SH2B3: variants seen among roughly 807,000 people sequenced by gnomAD.
SH2B3 encodes the protein SH2B adapter protein 3.
Under a neutral mutation model 51.9 loss-of-function variants are expected in SH2B3, and 43 were observed. The observed-to-expected ratio is 0.83, with a 90% confidence interval of 0.65 to 1.07. SH2B3 has a LOEUF of 1.07. Ranked by LOEUF, SH2B3 falls within the 50% of genes least tolerant of loss-of-function variation. The probability of loss-of-function intolerance (pLI) is 0.00; values close to 1 mark genes in which losing one functional copy is unlikely to be tolerated. For synonymous variants in SH2B3, 396 were observed against 376.0 expected, an observed-to-expected ratio of 1.05 and a Z score of -0.62; for missense variants, 952 against 834.3, an observed-to-expected ratio of 1.14 and a Z score of -1.74.
In SH2B3 at chr12:111,435,120, G is replaced by A. The variant is rs1305856178; in HGVS notation, c.733-11633G>A. The A allele has an allele frequency of 1.3e-5, 14 of 1,038,802 alleles. No individual in the cohort carries two copies. In the South Asian group the frequency reaches 1.5e-4, roughly 11 times the overall value. The allele number at this position is 1,038,802 out of a possible 1,614,324, so 64.3% of individuals were successfully genotyped here. On this transcript the variant is annotated intron_variant, in intron 2 of 7. Coordinates refer to ENST00000341259, the MANE Select transcript of SH2B3 (RefSeq NM_005475.3). The surrounding 1 kb of genome is among the most constrained non-coding windows in gnomAD (Gnocchi z 4.8). ...TGCACTCTCCCCACCCGAGACGGGC[G>A]ACAGAGGTTTTTTGTTGTTTCTTAA...
intron 2 of SH2B3, among the ~76,000 whole-genome samples, chr12:111,445,498 A>G (rs1157087810): frequency 6.6e-6 from 1 of 152,136 alleles, no homozygotes; most frequent in Non-Finnish European, 1.5e-5. Context: ...GGAGGTGAAA[A>G]TGCCCTGGCT....
chr12:111,434,483 C>T (rs1364352395), intron 2 of SH2B3, among the ~76,000 whole-genome samples: 5 of 152,212 alleles, frequency 3.3e-5, no homozygotes, highest in South Asian at 4.1e-4. Context: ...GAACACTACA[C>T]GGCACGGATA....
At chr12:111,442,383 G>T (rs1184771459) in intron 2 of SH2B3, among the ~76,000 whole-genome samples, 1 of 152,234 alleles carries the variant, frequency 6.6e-6, no homozygotes, top group Non-Finnish European at 1.5e-5. Flanking sequence ...CTAGGCCCAG[G>T]CTGCCAGATG....
upstream of SH2B3, among the ~76,000 whole-genome samples, chr12:111,405,750 C>A (rs1015319598): frequency 6.6e-6 from 1 of 152,186 alleles, no homozygotes; most frequent in Non-Finnish European, 1.5e-5. This position sits in a 1 kb window ranked among gnomAD's most constrained non-coding sequence, Gnocchi z 5.4. Flanking sequence ...CGCGGACTAG[C>A]GGGATTGGTA....
At position 111,447,387 on chromosome 12, in the gene SH2B3, C is replaced by T; in HGVS notation, c.1079C>T (p.Ser360Phe). The T allele has an allele frequency of 6.2e-7, 1 of 1,614,140 alleles. No individual in the cohort carries two copies. The highest frequency in any genetic ancestry group is 1.3e-5 in the African/African-American group (1 of 75,042). The stretch of plus-strand genomic sequence containing the variant: ...TGCCAGAAGACGGACCATTTCCTGT[C>T]CTGCTACCCCTGGTTCCACGGCCCC... Reference protein sequence around the residue: ...PACQKTDHFLSCYPWFHGPIS... With the variant: ...PACQKTDHFLFCYPWFHGPIS... Residue 360 changes from serine to phenylalanine, a missense_variant, in exon 6 of 8, where the codon TCC becomes TTC. Transcript: ENST00000341259.
At chr12:111,405,625 A>C (rs1870182675), upstream of SH2B3, among the ~76,000 whole-genome samples, 1 of 150,976 alleles carries the variant, frequency 6.6e-6, no homozygotes, top group Admixed American at 6.6e-5. The surrounding 1 kb of genome is among the most constrained non-coding windows in gnomAD (Gnocchi z 5.4). Context: ...TCCGATCCTC[A>C]CTTCTATCTT....
intron 1 of SH2B3, among the ~76,000 whole-genome samples, chr12:111,414,765 T>C (rs559423436): frequency 3.9e-5 from 6 of 152,196 alleles, no homozygotes; most frequent in Admixed American, 3.3e-4. Flanking sequence ...CAGCGGGACA[T>C]GGCCACATGC....
chr12:111,429,015 CGAGGAGGAGGAGGAG>C lies in SH2B3; in HGVS notation c.732+10156_732+10170del, dbSNP rs142822757. On this transcript the variant is annotated intron_variant, in intron 2 of 7. Coordinates refer to ENST00000341259, the MANE Select transcript of SH2B3 (RefSeq NM_005475.3). This position sits in a 1 kb window ranked among gnomAD's most constrained non-coding sequence, Gnocchi z 4.4. ...GCGGTTTCCTCTCGGGGCAGGAGTGCGAGGAGGAGGAGGAGGAGGAGGAGGAGGAGGAAGAGGAGG... is the reference window on the plus strand; with the variant it reads ...GCGGTTTCCTCTCGGGGCAGGAGTGCGAGGAGGAGGAGGAGGAAGAGGAGG... 1.5e-4 allele frequency among the ~76,000 whole-genome samples: 17 copies of C among 114,906 alleles called. No individual in the cohort carries two copies. The highest frequency in any genetic ancestry group is 3.0e-4 in the African/African-American group (9 of 30,244). 75.4% of individuals were successfully genotyped at this position (114,906 alleles called of 152,430 possible). A position where few individuals can be genotyped will look rare whatever the true frequency, so the allele number is the denominator to read the frequency against.
chr12:111,407,893 G>A lies in SH2B3; in HGVS notation c.-28+1616G>A, dbSNP rs552582277. Among the ~76,000 whole-genome samples the A allele has an allele frequency of 3.3e-5, 5 of 152,328 alleles. No homozygotes were observed. Among genetic ancestry groups the A allele is most frequent in the South Asian group, 2.1e-4 (1 of 4,830 alleles). ...CTATTGCCTTCGTTCAGCTGAAGGC[G>A]TGGGCAAGTGACTCTGCCCTCAGTT... On this transcript the variant is annotated intron_variant, in intron 1 of 7. Transcript: ENST00000341259. This position sits in a 1 kb window ranked among gnomAD's most constrained non-coding sequence, Gnocchi z 4.3.
At position 111,448,096 on chromosome 12, in the gene SH2B3, C is replaced by G. The variant is rs749430739; in HGVS notation, c.1522C>G (p.Arg508Gly). The G allele has an allele frequency of 1.2e-6, 2 of 1,613,932 alleles. No individual in the cohort carries two copies. The highest frequency in any genetic ancestry group is 1.7e-6 in the Non-Finnish European group (2 of 1,179,970). ...LPHLSSSGCP[R>G]GLSPEGLPGR... ...CCACCTTAGTTCTTCTGGCTGTCCC[C>G]GGGGGCTCAGCCCAGAGGGTCTCCC... The change falls in exon 8 of 8, where the codon CGG becomes GGG. Residue 508 changes from arginine (R) to glycine (G), a missense_variant. By Grantham distance (125) the Arg-to-Gly change is moderately radical. Transcript: ENST00000341259.
intron 2 of SH2B3, among the ~76,000 whole-genome samples, chr12:111,433,391 A>C (rs572024646): frequency 2.0e-5 from 3 of 152,176 alleles, no homozygotes; most frequent in Non-Finnish European, 4.4e-5. Context: ...TATGACTGCC[A>C]ACCTGTTTTC....
intron 2 of SH2B3, among the ~76,000 whole-genome samples, chr12:111,443,199 G>A (rs761389683): frequency 5.9e-5 from 9 of 152,230 alleles, no homozygotes; most frequent in Non-Finnish European, 1.3e-4. Context: ...GGGATAAAGA[G>A]GGATCCTCAG....
At chr12:111,443,907 A>C (rs1873670706) in intron 2 of SH2B3, 1 of 152,226 alleles carries the variant, frequency 6.6e-6, no homozygotes. Context: ...CCTAGAGGGT[A>C]GGGCCCGGCG....
At position 111,448,202 on chromosome 12, in the gene SH2B3, A is replaced by C. The variant is rs61734525; in HGVS notation, c.1628A>C (p.Glu543Ala). The change falls in exon 8 of 8, where the codon GAG becomes GCG. Residue 543 changes from glutamate to alanine, a missense_variant. By Grantham distance (107) the Glu-to-Ala change is moderately radical. Transcript: ENST00000341259. ...EELANSLQHL[E>A]HEPVNRARDS... is the part of the protein sequence containing the mutation. ...CTGGCCAACAGCCTGCAGCACCTGG[A>C]GCATGAGCCTGTGAATCGAGCCCGG... 12 of 1,614,136 alleles carry C rather than the reference A, an allele frequency of 7.4e-6. No homozygotes were observed. The East Asian group carries it at 2.5e-4, about 33-fold the overall frequency.
In SH2B3 at chr12:111,418,612, C is replaced by G. The variant is rs771591913; in HGVS notation, c.467C>G (p.Ala156Gly). ...FRRRSAGELP[A>G]AHTAAAPGTP... ...CGCCGCTCGGCCGGGGAGCTGCCAG[C>G]GGCCCACACCGCTGCCGCCCCCGGG... The change falls in exon 2 of 8, where the codon GCG (alanine) becomes GGG (glycine). Residue 156 changes from alanine (A) to glycine (G), a missense_variant. Coordinates refer to ENST00000341259, the MANE Select transcript of SH2B3 (RefSeq NM_005475.3). The surrounding 1 kb of genome is among the most constrained non-coding windows in gnomAD (Gnocchi z 6.7). 4 of 1,479,482 alleles carry G rather than the reference C, an allele frequency of 2.7e-6. No individual in the cohort carries two copies. Among genetic ancestry groups the G allele is most frequent in the Middle Eastern group, 2.2e-4 (1 of 4,526 alleles). The allele number at this position is 1,479,482 out of a possible 1,614,324, so 91.6% of individuals were successfully genotyped here.
intron 2 of SH2B3, among the ~76,000 whole-genome samples, chr12:111,431,246 C>T (rs1872469068): frequency 6.6e-6 from 1 of 152,070 alleles, no homozygotes. Context: ...TGCCTGGGAC[C>T]CCCCACCCCA....
At chr12:111,416,987 T>G (rs1871136758) in intron 1 of SH2B3, among the ~76,000 whole-genome samples, 1 of 152,234 alleles carries the variant, frequency 6.6e-6, no homozygotes, top group Non-Finnish European at 1.5e-5. Flanking sequence ...TACAAAATGT[T>G]TGTGTACACA....
intron 2 of SH2B3, among the ~76,000 whole-genome samples, chr12:111,439,784 G>A (rs559180333): frequency 1.2e-4 from 19 of 152,294 alleles, no homozygotes; most frequent in African/African-American, 4.6e-4. Context: ...TAGTCTGATG[G>A]GACAGATGGC....
At chr12:111,417,010 G>A (rs983160061) in intron 1 of SH2B3, among the ~76,000 whole-genome samples, 1 of 152,210 alleles carries the variant, frequency 6.6e-6, no homozygotes, top group African/African-American at 2.4e-5. Context: ...AACATTAGTA[G>A]TTTGGTTTTA....
Sources: gnomAD v4.1 joint callset for allele counts (sites outside exome capture counted in the v4.1 genomes callset) on GRCh38, gnomAD v4.1.1 for gene constraint, Gnocchi (gnomAD v3.1) non-coding constraint, MANE v1.5 for transcripts, NCBI Gene and HGNC (gene_info 2026-07-23, HGNC 2026-07-21) for gene names.